Variants in CCL28 observed in about 807,000 individuals in gnomAD.
CCL28 encodes C-C motif chemokine 28.
CCL28 carries 4 observed loss-of-function variants against 7.1 expected under a neutral mutation model. The observed-to-expected ratio is 0.56, with a 90% CI of 0.28 to 1.29. The LOEUF (loss-of-function observed/expected upper bound fraction) is 1.29, where lower values mean the gene tolerates loss of function less well. Ranked by LOEUF, CCL28 falls within the 50% of genes most tolerant of loss-of-function variation. The probability of loss-of-function intolerance (pLI) is 0.11; values close to 1 mark genes in which losing one functional copy is unlikely to be tolerated. For synonymous variants in CCL28, 55 were observed against 57.8 expected, an observed-to-expected ratio of 0.95 and a Z score of 0.22; for missense variants, 151 against 163.4, an observed-to-expected ratio of 0.92 and a Z score of 0.41.
intron 1 of CCL28, among the ~76,000 whole-genome samples, chr5:43,393,209 CT>C (rs1183779911): frequency 6.6e-6 from 1 of 152,030 alleles, no homozygotes; most frequent in Non-Finnish European, 1.5e-5. Flanking sequence ...CTTAAAAAGT[CT>C]TTTCAAAAGA....
intron 1 of CCL28, among the ~76,000 whole-genome samples, chr5:43,410,515 G>A (rs73098691): frequency 0.087 from 13,236 of 152,134 alleles, 807 homozygotes; most frequent in African/African-American, 0.16. Flanking sequence ...ACCAGCAGCC[G>A]TACCTTTTCA....
intron 1 of CCL28, chr5:43,397,392 T>C (rs1201658038): frequency 1.3e-5 from 2 of 150,532 alleles, no homozygotes; most frequent in South Asian, 2.1e-4. Flanking sequence ...CCCACTGTTA[T>C]TGGGATTATG....
At chr5:43,386,523 T>C (rs1740342446) in intron 2 of CCL28, among the ~76,000 whole-genome samples, 1 of 152,194 alleles carries the variant, frequency 6.6e-6, no homozygotes, top group African/African-American at 2.4e-5. Flanking sequence ...CACTCATGCT[T>C]AATACAAGTT....
intron 1 of CCL28, among the ~76,000 whole-genome samples, chr5:43,394,164 T>G (rs1339454972): frequency 6.6e-6 from 1 of 152,196 alleles, no homozygotes; most frequent in East Asian, 1.9e-4. Flanking sequence ...GCTTCTGGGC[T>G]TTTTCTTCTG....
chr5:43,390,638 G>A (rs970372671), intron 1 of CCL28, among the ~76,000 whole-genome samples: 2 of 152,236 alleles, frequency 1.3e-5, no homozygotes, highest in Admixed American at 6.5e-5. Context: ...GTTTCAAATG[G>A]ATCCAGAGCA....
chr5:43,397,417 T>TC (rs1740858129), intron 1 of CCL28, among the ~76,000 whole-genome samples: 1 of 151,400 alleles, frequency 6.6e-6, no homozygotes, highest in African/African-American at 2.4e-5. Flanking sequence ...TTTTTTTTTT[T>TC]CTTGCATTTC....
At position 43,399,664 on chromosome 5, in the gene CCL28, C is replaced by A. The variant is rs148941414; in HGVS notation, c.65-11188G>T. Among the ~76,000 whole-genome samples, 557 of 152,158 alleles carry A rather than the reference C, an allele frequency of 3.7e-3. 6 individuals are homozygous for A. Among genetic ancestry groups the A allele is most frequent in the African/African-American group, 0.013 (531 of 41,490 alleles). On this transcript the variant is annotated intron_variant, in intron 1 of 2. Transcript: ENST00000361115. ...ATAGTATTTTCAGTTTTTGGTCAAG[C>A]TCTTATGTCCCAAATTATCTACAAT...
intron 1 of CCL28, among the ~76,000 whole-genome samples, chr5:43,392,855 TATCTC>T (rs1261536877): frequency 5.3e-5 from 8 of 152,234 alleles, no homozygotes; most frequent in African/African-American, 1.7e-4. Flanking sequence ...TTGGGATACT[TATCTC>T]TTCTCAGTAA....
chr5:43,403,609 T>G (rs1741137101), intron 1 of CCL28, among the ~76,000 whole-genome samples: 1 of 152,104 alleles, frequency 6.6e-6, no homozygotes, highest in East Asian at 1.9e-4. Context: ...GTGCCTTTCC[T>G]CCTCCAAAGG....
intron 1 of CCL28, among the ~76,000 whole-genome samples, chr5:43,391,592 C>G (rs6892413): frequency 0.058 from 8,847 of 152,178 alleles, 574 homozygotes; most frequent in African/African-American, 0.16. Context: ...ACTCATCACC[C>G]AAATGTTATT....
At chr5:43,361,018 C>T in the CCL28 span, among the ~76,000 whole-genome samples, 3 of 152,042 alleles carry the variant, frequency 2.0e-5, no homozygotes, top group Admixed American at 6.6e-5. Context: ...TGTGTTGTTC[C>T]TCCCCATGTG....
At chr5:43,405,357 T>C (rs4866742) in intron 1 of CCL28, among the ~76,000 whole-genome samples, 99,378 of 152,106 alleles carry the variant, frequency 0.65, 34,433 homozygotes, top group African/African-American at 0.87. Context: ...CAAAACTGCT[T>C]AACTACATGG....
chr5:43,364,499 A>G, the CCL28 span, among the ~76,000 whole-genome samples: 1 of 152,254 alleles, frequency 6.6e-6, no homozygotes, highest in African/African-American at 2.4e-5. Flanking sequence ...ATAAAAATAA[A>G]GAATTTTTTA....
chr5:43,385,454 G>T (rs1169421583), intron 2 of CCL28, among the ~76,000 whole-genome samples: 2 of 152,248 alleles, frequency 1.3e-5, no homozygotes, highest in Middle Eastern at 3.4e-3. Context: ...TCCAGTGTTA[G>T]CAATGCTTTC....
the CCL28 span, among the ~76,000 whole-genome samples, chr5:43,364,462 A>G: frequency 6.6e-6 from 1 of 152,208 alleles, no homozygotes; most frequent in Non-Finnish European, 1.5e-5. Context: ...ATTGTACCCC[A>G]TAAATATATA....
the CCL28 span, among the ~76,000 whole-genome samples, chr5:43,357,969 C>T: frequency 1.3e-5 from 2 of 152,214 alleles, no homozygotes; most frequent in Non-Finnish European, 1.5e-5. Flanking sequence ...GTTTCTGCTG[C>T]CCTGTCACTA....
intron 2 of CCL28, among the ~76,000 whole-genome samples, chr5:43,387,605 G>GT (rs1479340227): frequency 6.6e-6 from 1 of 152,078 alleles, no homozygotes; most frequent in Non-Finnish European, 1.5e-5. Flanking sequence ...CTTTTCTTTT[G>GT]TTTTTCTTTG....
At chr5:43,409,040 G>A (rs1041637890) in intron 1 of CCL28, among the ~76,000 whole-genome samples, 6 of 152,030 alleles carry the variant, frequency 3.9e-5, no homozygotes, top group Non-Finnish European at 8.8e-5. Flanking sequence ...CAGGCAGCGA[G>A]GCCAAGGCAG....
intron 1 of CCL28, among the ~76,000 whole-genome samples, chr5:43,408,478 A>G (rs889657602): frequency 5.9e-5 from 9 of 152,148 alleles, no homozygotes; most frequent in African/African-American, 2.2e-4. Flanking sequence ...ATCACACACC[A>G]GGGCCTGTCG....
Sources: gnomAD v4.1 joint callset for allele counts (sites outside exome capture counted in the v4.1 genomes callset) on GRCh38, gnomAD v4.1.1 for gene constraint, MANE v1.5 for transcripts, NCBI Gene and HGNC (gene_info 2026-07-23, HGNC 2026-07-21) for gene names.